Variants in TSPAN7 observed in about 807,000 individuals in gnomAD.
TSPAN7 encodes tetraspanin-7.
A neutral mutation model predicts 17.6 loss-of-function variants in TSPAN7; 1 was observed. The observed-to-expected ratio is 0.06, with a 90% CI of 0.02 to 0.27. The LOEUF is 0.27. TSPAN7 is among the 10% of genes least tolerant of loss of function. TSPAN7 has a pLI of 1.00. For missense variants in TSPAN7, 112 were observed against 201.7 expected (o/e 0.56, Z 2.69); for synonymous variants, 78 against 79.0 (o/e 0.99, Z 0.07).
intron 1 of TSPAN7, among the ~76,000 whole-genome samples, chrX:38,637,190 A>G (rs2069585809): frequency 8.9e-6 from 1 of 111,748 alleles, no homozygotes; most frequent in Non-Finnish European, 1.9e-5. Context: ...GTGTCTTGCA[A>G]ATTGGCCTTT....
chrX:38,658,693 T>A (rs1265841673), intron 1 of TSPAN7, among the ~76,000 whole-genome samples: 1 of 110,982 alleles, frequency 9.0e-6, no homozygotes, highest in Non-Finnish European at 1.9e-5. Context: ...TTCCCAAGAT[T>A]CGTTGTTCCC....
chrX:38,670,049 T>C (rs755498789), intron 2 of TSPAN7, among the ~76,000 whole-genome samples: 29 of 112,155 alleles, frequency 2.6e-4, no homozygotes, highest in African/African-American at 7.4e-4. Context: ...AGAATTTTGT[T>C]AATATTTAGA....
At chrX:38,577,412 T>C (rs1453855316) in intron 1 of TSPAN7, among the ~76,000 whole-genome samples, 1 of 110,348 alleles carries the variant, frequency 9.1e-6, no homozygotes, top group Non-Finnish European at 1.9e-5. Context: ...AAATATTTGT[T>C]TGTTGGGTGT....
chrX:38,596,559 G>A (rs914307610), intron 1 of TSPAN7, among the ~76,000 whole-genome samples: 1 of 110,279 alleles, frequency 9.1e-6, no homozygotes, highest in African/African-American at 3.3e-5. Context: ...CTATATTGAG[G>A]CTGATAAATT....
chrX:38,601,798 T>C (rs2069348549), intron 1 of TSPAN7, among the ~76,000 whole-genome samples: 1 of 111,791 alleles, frequency 8.9e-6, no homozygotes, highest in African/African-American at 3.3e-5. Flanking sequence ...GGATGGCCCA[T>C]CTCTGTTCCA....
chrX:38,592,301 T>C (rs1055506205), intron 1 of TSPAN7, among the ~76,000 whole-genome samples: 2 of 111,816 alleles, frequency 1.8e-5, no homozygotes, highest in Non-Finnish European at 3.8e-5. Flanking sequence ...AGTGTCTTTC[T>C]TGTAGCCAGC....
intron 2 of TSPAN7, among the ~76,000 whole-genome samples, chrX:38,669,039 A>G (rs1438707918): frequency 9.0e-6 from 1 of 110,604 alleles, no homozygotes; most frequent in East Asian, 2.8e-4. Context: ...GTTTTATTGC[A>G]TAGTAGGGTA....
At chrX:38,677,196 C>T (rs975439728) in intron 5 of TSPAN7, among the ~76,000 whole-genome samples, 20 of 111,948 alleles carry the variant, frequency 1.8e-4, no homozygotes, top group African/African-American at 5.9e-4. Flanking sequence ...TATGTGATCT[C>T]GGTCAAGTTA....
chrX:38,656,706 T>C (rs2069707391), intron 1 of TSPAN7, among the ~76,000 whole-genome samples: 1 of 112,056 alleles, frequency 8.9e-6, no homozygotes, highest in Non-Finnish European at 1.9e-5. Context: ...TATTTATATA[T>C]CTGGGTCATC....
chrX:38,626,749 T>A (rs2069524908), intron 1 of TSPAN7, among the ~76,000 whole-genome samples: 2 of 111,938 alleles, frequency 1.8e-5, no homozygotes, highest in South Asian at 7.5e-4. Flanking sequence ...CCTTGCCACA[T>A]TAATGCTGCA....
chrX:38,588,010 T>G (rs1389605679), intron 1 of TSPAN7, among the ~76,000 whole-genome samples: 2 of 112,054 alleles, frequency 1.8e-5, no homozygotes, highest in African/African-American at 6.5e-5. Flanking sequence ...CTGAACCACC[T>G]TCTTAGAGTG....
At chrX:38,620,332 C>T (rs185741095) in intron 1 of TSPAN7, among the ~76,000 whole-genome samples, 222 of 111,967 alleles carry the variant, frequency 2.0e-3, no homozygotes, top group Non-Finnish European at 2.1e-3. Flanking sequence ...ATACCTAACA[C>T]TTGTCTCTTA....
chrX:38,599,726 T>C (rs1180524956), intron 1 of TSPAN7, among the ~76,000 whole-genome samples: 1 of 111,581 alleles, frequency 9.0e-6, no homozygotes, highest in Non-Finnish European at 1.9e-5. Flanking sequence ...AAGGGCATTA[T>C]TCAAAGAAAA....
At chrX:38,626,835 G>T in intron 1 of TSPAN7, among the ~76,000 whole-genome samples, 1 of 110,870 alleles carries the variant, frequency 9.0e-6, no homozygotes, top group Middle Eastern at 4.2e-3. Context: ...TTGGTGGGGG[G>T]GTGCCTAGGT....
intron 1 of TSPAN7, among the ~76,000 whole-genome samples, chrX:38,640,017 A>C (rs1383593232): frequency 8.9e-6 from 1 of 111,828 alleles, no homozygotes; most frequent in African/African-American, 3.3e-5. Context: ...GTAAAAATGG[A>C]CAGTTTTGTA....
chrX:38,585,488 A>G (rs1377482347), intron 1 of TSPAN7, among the ~76,000 whole-genome samples: 4 of 112,059 alleles, frequency 3.6e-5, no homozygotes, highest in Non-Finnish European at 7.5e-5. Context: ...TTGATTAATA[A>G]ATTACATTTT....
At chrX:38,682,891 T>C (rs2069901502) in intron 6 of TSPAN7, among the ~76,000 whole-genome samples, 1 of 112,324 alleles carries the variant, frequency 8.9e-6, no homozygotes, top group African/African-American at 3.2e-5. Context: ...CTGATGCAAA[T>C]GTGCAAGATG....
chrX:38,670,460 A>G (rs1003308772), intron 2 of TSPAN7, among the ~76,000 whole-genome samples: 11 of 112,333 alleles, frequency 9.8e-5, no homozygotes, highest in Non-Finnish European at 1.9e-4. Context: ...AAAGCACTAA[A>G]GGCGTTAGAT....
At chrX:38,603,826 TTTG>T (rs2069360441) in intron 1 of TSPAN7, among the ~76,000 whole-genome samples, 1 of 109,415 alleles carries the variant, frequency 9.1e-6, no homozygotes, top group East Asian at 2.8e-4. Context: ...TATTTATTTT[TTTG>T]TTGTTTTTCT....
Sources: allele counts gnomAD v4.1 joint callset (sites outside exome capture counted in the v4.1 genomes callset), GRCh38; gene constraint gnomAD v4.1.1; transcripts MANE v1.5; gene names NCBI Gene and HGNC (gene_info 2026-07-23, HGNC 2026-07-21).